NRP1: variants seen among roughly 807,000 people sequenced by gnomAD.
NRP1 encodes the protein neuropilin-1.
Under a neutral mutation model 106.7 loss-of-function variants are expected in NRP1, and 35 were observed. That is an observed-to-expected ratio of 0.33 (90% CI 0.25 to 0.43). The LOEUF is 0.43. Among genes scored for constraint, NRP1 ranks in the 20% least tolerant of loss-of-function variants. The probability of loss-of-function intolerance (pLI) is 1.00; values close to 1 mark genes in which losing one functional copy is unlikely to be tolerated. For synonymous variants in NRP1, 437 were observed against 417.9 expected, an observed-to-expected ratio of 1.05 and a Z score of -0.56; for missense variants, 1,024 against 1,170.4, an observed-to-expected ratio of 0.87 and a Z score of 1.83.
At chr10:33,227,081 G>T (rs946961441) in intron 6 of NRP1, among the ~76,000 whole-genome samples, 1 of 152,130 alleles carries the variant, frequency 6.6e-6, no homozygotes, top group Non-Finnish European at 1.5e-5. Context: ...GCCCTAAGTT[G>T]GTTCCCATTG....
At chr10:33,308,634 G>A (rs1846343025) in intron 2 of NRP1, among the ~76,000 whole-genome samples, 1 of 151,856 alleles carries the variant, frequency 6.6e-6, no homozygotes, top group African/African-American at 2.4e-5. Flanking sequence ...TTATGGGCAT[G>A]CATCACTATG....
chr10:33,192,818 G>T (rs941641971), intron 12 of NRP1, among the ~76,000 whole-genome samples: 6 of 152,138 alleles, frequency 3.9e-5, no homozygotes, highest in Admixed American at 2.6e-4. Context: ...CCAATGAAAA[G>T]AATCTTAATT....
intron 13 of NRP1, among the ~76,000 whole-genome samples, chr10:33,190,078 A>G (rs1367695008): frequency 6.6e-6 from 1 of 152,244 alleles, no homozygotes; most frequent in Non-Finnish European, 1.5e-5. Flanking sequence ...ATCTACGACA[A>G]GCTCTCCTTC....
rs1373915489 is a variant in NRP1, at chr10:33,180,073, C to A, written c.*3G>T. The A allele has an allele frequency of 6.2e-7, 1 of 1,613,376 alleles. No individual in the cohort carries two copies. Among genetic ancestry groups the A allele is most frequent in the South Asian group, 1.1e-5 (1 of 90,892 alleles). On this transcript the variant is annotated 3_prime_UTR_variant, in exon 17 of 17. Coordinates refer to ENST00000374867, the MANE Select transcript of NRP1 (RefSeq NM_003873.7). ...TTGACTGTCTTTTCATCTCTGTCTG[C>A]CTTCATGCCTCCGAATAAGTACTCT...
rs1336736721 is a variant in NRP1, at chr10:33,250,397, C to T, written c.981+3631G>A. 3.3e-5 allele frequency among the ~76,000 whole-genome samples: 5 copies of T among 152,110 alleles called. 1 individual carries two copies. The highest frequency in any genetic ancestry group is 4.1e-4 in the South Asian group (2 of 4,824). On this transcript the variant is annotated intron_variant, in intron 6 of 16. Coordinates refer to ENST00000374867, the MANE Select transcript of NRP1 (RefSeq NM_003873.7). ...CCTGCTGAGCTCGGAAGGCGAAAAA[C>T]GGTAATTTTACCTCAAGGTGAACCT...
chr10:33,294,588 G>A (rs1357500608), intron 2 of NRP1, among the ~76,000 whole-genome samples: 1 of 141,460 alleles, frequency 7.1e-6, no homozygotes, highest in African/African-American at 2.6e-5. Flanking sequence ...CTGCAGTTCA[G>A]CCTGGACAAC....
intron 8 of NRP1, among the ~76,000 whole-genome samples, chr10:33,216,457 T>A (rs1260852792): frequency 2.7e-5 from 4 of 150,856 alleles, no homozygotes; most frequent in South Asian, 2.1e-4. Context: ...GCCTTTTTTT[T>A]AATTTTTATT....
Position 33,257,353 on chromosome 10 carries a change from A to G in NRP1, c.659-882T>C, listed in dbSNP as rs937794501. Among the ~76,000 whole-genome samples the G allele has an allele frequency of 3.6e-4, 55 of 152,178 alleles. 1 individual carries two copies. The highest frequency in any genetic ancestry group is 3.5e-3 in the Admixed American group (54 of 15,276). On this transcript the variant is annotated intron_variant, in intron 4 of 16. Coordinates refer to ENST00000374867, the MANE Select transcript of NRP1 (RefSeq NM_003873.7). ...ATTTATGTTAAAGTCAAATTATTTG[A>G]TGGCTGAGTGCGGTGGCTCACTCTT...
intron 2 of NRP1, among the ~76,000 whole-genome samples, chr10:33,301,003 T>G (rs1179125811): frequency 6.6e-6 from 1 of 152,208 alleles, no homozygotes; most frequent in Non-Finnish European, 1.5e-5. Flanking sequence ...CTCAGATTTT[T>G]GGGGTTCATA....
intron 2 of NRP1, among the ~76,000 whole-genome samples, chr10:33,328,868 A>T (rs778474747): frequency 6.6e-6 from 1 of 152,230 alleles, no homozygotes; most frequent in African/African-American, 2.4e-5. Context: ...TTTAAGTATT[A>T]TATTACACGT....
In NRP1 at chr10:33,254,052, C is replaced by T. The variant is rs267602475; in HGVS notation, c.957G>A (p.Glu319=). The T allele has an allele frequency of 6.2e-7, 1 of 1,612,026 alleles. No individual in the cohort carries two copies. Among genetic ancestry groups the T allele is most frequent in the South Asian group, 1.1e-5 (1 of 90,722 alleles). The change falls in exon 6 of 17, where the codon GAG becomes GAA. Residue 319 remains glutamate (E), a synonymous_variant. Transcript: ENST00000374867. Reference sequence around the variant, plus strand: ...CCTGTATCCACTCTCGGTAGGAATCCTCTCCGGGAGTCCACCCATTCTCAG... The same window carrying T: ...CCTGTATCCACTCTCGGTAGGAATCTTCTCCGGGAGTCCACCCATTCTCAG... The part of the protein sequence containing the change: ...NYPENGWTPG[E]DSYREWIQVD...
At chr10:33,322,680 C>T (rs1209485819) in intron 2 of NRP1, among the ~76,000 whole-genome samples, 1 of 152,152 alleles carries the variant, frequency 6.6e-6, no homozygotes, top group Non-Finnish European at 1.5e-5. Context: ...ACCACTCTGG[C>T]CAAGTTTCAA....
intron 2 of NRP1, among the ~76,000 whole-genome samples, chr10:33,298,135 G>A (rs1254561125): frequency 6.6e-6 from 1 of 152,170 alleles, no homozygotes; most frequent in East Asian, 1.9e-4. Context: ...TTGTTGAAAA[G>A]GAACTTGCAA....
chr10:33,318,582 G>C (rs1847205232), intron 2 of NRP1, among the ~76,000 whole-genome samples: 1 of 151,924 alleles, frequency 6.6e-6, no homozygotes, highest in Non-Finnish European at 1.5e-5. Context: ...ATTGGCATGG[G>C]GAGAAACGGG....
At chr10:33,242,939 G>C (rs1208199548) in intron 6 of NRP1, among the ~76,000 whole-genome samples, 1 of 152,110 alleles carries the variant, frequency 6.6e-6, no homozygotes, top group African/African-American at 2.4e-5. Flanking sequence ...AATGGAACAT[G>C]GTATTTGTCT....
intron 4 of NRP1, among the ~76,000 whole-genome samples, chr10:33,262,562 G>T (rs187751513): frequency 6.6e-6 from 1 of 152,028 alleles, no homozygotes; most frequent in Non-Finnish European, 1.5e-5. Context: ...AATTAGCTGA[G>T]TGTGGTGGTG....
At chr10:33,217,582 A>T (rs762476683) in intron 8 of NRP1, among the ~76,000 whole-genome samples, 12 of 152,236 alleles carry the variant, frequency 7.9e-5, no homozygotes, top group Non-Finnish European at 1.8e-4. Context: ...GTGTTGCCAG[A>T]TTTAGCAAAT....
chr10:33,308,275 C>A (rs1438233350), intron 2 of NRP1, among the ~76,000 whole-genome samples: 2 of 151,558 alleles, frequency 1.3e-5, no homozygotes, highest in Non-Finnish European at 2.9e-5. Flanking sequence ...GCTTATTACC[C>A]GAGTGACAAA....
chr10:33,287,161 A>C (rs1391520711), intron 2 of NRP1, among the ~76,000 whole-genome samples: 2 of 152,252 alleles, frequency 1.3e-5, no homozygotes, highest in African/African-American at 4.8e-5. Flanking sequence ...CTGGAGCAGA[A>C]GTAACATTGA....
Sources: gnomAD v4.1 joint callset for allele counts (sites outside exome capture counted in the v4.1 genomes callset) on GRCh38, gnomAD v4.1.1 for gene constraint, MANE v1.5 for transcripts, NCBI Gene and HGNC (gene_info 2026-07-23, HGNC 2026-07-21) for gene names.